NUP93: variants seen among roughly 807,000 people sequenced by gnomAD.
The protein encoded by NUP93 is nuclear pore complex protein Nup93.
NUP93 carries 55 observed loss-of-function variants against 107.8 expected under a neutral mutation model. The observed-to-expected ratio is 0.51, with a 90% CI of 0.41 to 0.64. The LOEUF (loss-of-function observed/expected upper bound fraction) is 0.64, where lower values mean the gene tolerates loss of function less well. Ranked by LOEUF, NUP93 falls within the 30% of genes least tolerant of loss-of-function variation. The probability of loss-of-function intolerance (pLI) is 0.00; values close to 1 mark genes in which losing one functional copy is unlikely to be tolerated. For synonymous variants in NUP93, 390 were observed against 397.5 expected, an observed-to-expected ratio of 0.98 and a Z score of 0.22; for missense variants, 937 against 1,044.7, an observed-to-expected ratio of 0.90 and a Z score of 1.42.
In NUP93 at chr16:56,844,802, T is replaced by C. The variant is rs34949349; in HGVS notation, c.*193T>C. 6.0e-3 allele frequency: 2,063 copies of C among 346,660 alleles called. 1 individual carries two copies. The highest frequency in any genetic ancestry group is 0.015 in the South Asian group (115 of 7,748). 21.5% of individuals were successfully genotyped at this position (346,660 alleles called of 1,614,324 possible). ...CATTCTTTTATTTTCTTTTTTTTTT[T>C]CTTTGAAATTTTGTTTACATTTTTA... On this transcript the variant is annotated 3_prime_UTR_variant, in exon 22 of 22. Transcript: ENST00000308159.
At chr16:56,778,950 A>G (rs1444601294) in intron 3 of NUP93, among the ~76,000 whole-genome samples, 4 of 152,102 alleles carry the variant, frequency 2.6e-5, no homozygotes, top group Non-Finnish European at 5.9e-5. Context: ...CAGTGAGGAG[A>G]AGAAGCCAGG....
chr16:56,833,071 CT>C (rs1256569426), intron 12 of NUP93, 143 bp from the exon 13 acceptor site: 4 of 663,334 alleles, frequency 6.0e-6, no homozygotes, highest in African/African-American at 1.9e-5. Flanking sequence ...TCAGGGCCCC[CT>C]TGATCAATTC....
intron 5 of NUP93, among the ~76,000 whole-genome samples, chr16:56,817,593 T>A (rs1238196838): frequency 2.6e-5 from 4 of 152,250 alleles, no homozygotes; most frequent in Non-Finnish European, 4.4e-5. Context: ...CTAATTTTGA[T>A]CTGTATTTCT....
At chr16:56,752,381 A>C (rs1017443443) in intron 2 of NUP93, among the ~76,000 whole-genome samples, 1 of 152,214 alleles carries the variant, frequency 6.6e-6, no homozygotes, top group Non-Finnish European at 1.5e-5. Context: ...TAGTATGTCT[A>C]TGTAGTAGAG....
In NUP93 at chr16:56,841,735, G is replaced by C. The variant is rs1303296233; in HGVS notation, c.2251G>C (p.Ala751Pro). The C allele has an allele frequency of 6.2e-7, 1 of 1,614,128 alleles. No homozygotes were observed. The highest frequency in any genetic ancestry group is 2.2e-5 in the East Asian group (1 of 44,888). ...GCACAACCTCTCAGAAGTGCTTCTT[G>C]CCACCATGAACATCTTGTTCACACA... Reference protein sequence around the residue: ...IRHNLSEVLLATMNILFTQFK... With the variant: ...IRHNLSEVLLPTMNILFTQFK... Residue 751 changes from alanine to proline, a missense_variant, in exon 21 of 22, where the codon GCC becomes CCC. By Grantham distance (27) the Ala-to-Pro change is conservative (BLOSUM62 -1). Coordinates refer to ENST00000308159, the MANE Select transcript of NUP93 (RefSeq NM_014669.5).
Position 56,756,200 on chromosome 16 carries a change from A to T in NUP93, c.180-2338A>T, listed in dbSNP as rs111947508. On this transcript the variant is annotated intron_variant, in intron 2 of 21. Transcript: ENST00000308159. ...GTCCGGGTTTGTTACATAGATATAC[A>T]TGTGCCATGGTGGTTTGCCACACTT... Among the ~76,000 whole-genome samples the T allele has an allele frequency of 6.0e-3, 902 of 150,798 alleles. 7 individuals carry two copies. The highest frequency in any genetic ancestry group is 0.021 in the African/African-American group (840 of 40,956).
chr16:56,822,187 A>G (rs1473160214), intron 7 of NUP93, among the ~76,000 whole-genome samples: 6 of 151,560 alleles, frequency 4.0e-5, no homozygotes. Context: ...TATGGAAGCA[A>G]GCACCCATAC....
chr16:56,730,401 T>A (rs1173866335), intron 1 of NUP93, among the ~76,000 whole-genome samples, 190 bp downstream of exon 1: 1 of 151,656 alleles, frequency 6.6e-6, no homozygotes, highest in Non-Finnish European at 1.5e-5. Context: ...AGGCTTGGAG[T>A]CGGGCTGCAT....
At chr16:56,808,120 ATAAC>A (rs1567398123) in intron 5 of NUP93, among the ~76,000 whole-genome samples, 1 of 124,060 alleles carries the variant, frequency 8.1e-6, no homozygotes, top group Non-Finnish European at 1.7e-5. Flanking sequence ...TATATATTAT[ATAAC>A]TATATAAATA....
intron 2 of NUP93, among the ~76,000 whole-genome samples, chr16:56,757,442 G>A (rs1962045054): frequency 6.6e-6 from 1 of 152,098 alleles, no homozygotes; most frequent in Non-Finnish European, 1.5e-5. Flanking sequence ...GCAAGACCCT[G>A]TCTGAAAATA....
At chr16:56,746,778 T>G (rs1250208144) in intron 1 of NUP93, among the ~76,000 whole-genome samples, 2 of 152,140 alleles carry the variant, frequency 1.3e-5, no homozygotes, top group Admixed American at 6.5e-5. Flanking sequence ...GGTGTGGTGG[T>G]GCATGCCTGT....
At chr16:56,731,395 T>C (rs1201913704) in intron 1 of NUP93, among the ~76,000 whole-genome samples, 1 of 151,850 alleles carries the variant, frequency 6.6e-6, no homozygotes, top group Non-Finnish European at 1.5e-5. Flanking sequence ...CTTTTTCTTT[T>C]CTTTCCTTTT....
intron 5 of NUP93, among the ~76,000 whole-genome samples, chr16:56,815,899 G>GTGCTGCTGCTGCTGCTGGTGC (rs1555495758): frequency 3.5e-4 from 34 of 95,986 alleles, no homozygotes; most frequent in African/African-American, 5.7e-4. Flanking sequence ...GCTGCTGCTG[G>GTGCTGCTGCTGCTGCTGGTGC]TGCTGCTGCT....
In NUP93 at chr16:56,823,655, A is replaced by G. The variant is rs1963595187; in HGVS notation, c.655-52A>G. On this transcript the variant is annotated intron_variant, in intron 7 of 21. Coordinates refer to ENST00000308159, the MANE Select transcript of NUP93 (RefSeq NM_014669.5). ...AGGTCAGAGTGCCACAAAGAACTAGATAATTTCTCTGGCCCTGCAGCATTG... is the reference window on the plus strand; with the variant it reads ...AGGTCAGAGTGCCACAAAGAACTAGGTAATTTCTCTGGCCCTGCAGCATTG... 1.2e-5 allele frequency: 20 copies of G among 1,601,352 alleles called. No homozygotes were observed. The South Asian group carries it at 2.0e-4, about 16-fold the overall frequency.
chr16:56,731,072 G>C (rs1961526973), intron 1 of NUP93, among the ~76,000 whole-genome samples: 1 of 151,636 alleles, frequency 6.6e-6, no homozygotes, highest in South Asian at 2.1e-4. Context: ...TCTCCTTTGT[G>C]CATTTGTGTT....
chr16:56,740,114 A>C (rs371767141), intron 1 of NUP93, among the ~76,000 whole-genome samples: 3 of 70,936 alleles, frequency 4.2e-5, no homozygotes, highest in Admixed American at 1.4e-4. Flanking sequence ...GCGGCTGGCC[A>C]GGCGGGGGGC....
At chr16:56,833,820 G>T (rs1431558788) in intron 13 of NUP93, among the ~76,000 whole-genome samples, 2 of 152,172 alleles carry the variant, frequency 1.3e-5, no homozygotes, top group Non-Finnish European at 2.9e-5. Context: ...ATGAATGGCT[G>T]CAGGTTCCTT....
rs1213898397 is a variant in NUP93 at position 56,847,659 on chromosome 16, CTT to C, written c.*3052_*3053del. On this transcript the variant is annotated 3_prime_UTR_variant, in exon 22 of 22. Coordinates refer to ENST00000308159, the MANE Select transcript of NUP93 (RefSeq NM_014669.5). ...TCAACAACAACAGCAACAAAAAACT[CTT>C]TGACTCCCCAACTTCAGAGGGAAAA... 6.6e-5 allele frequency: 10 copies of C among 152,190 alleles called. No individual in the cohort carries two copies. The highest frequency in any genetic ancestry group is 6.5e-4 in the Admixed American group (10 of 15,274). 9.4% of individuals were successfully genotyped at this position (152,190 alleles called of 1,614,324 possible).
intron 7 of NUP93, among the ~76,000 whole-genome samples, chr16:56,822,001 A>C (rs1963553455): frequency 6.8e-6 from 1 of 147,142 alleles, no homozygotes; most frequent in Non-Finnish European, 1.5e-5. Flanking sequence ...CATTCTTTAT[A>C]TACCACTGGT....
Sources: gnomAD v4.1 joint callset for allele counts (sites outside exome capture counted in the v4.1 genomes callset) on GRCh38, gnomAD v4.1.1 for gene constraint, MANE v1.5 for transcripts, NCBI Gene and HGNC (gene_info 2026-07-23, HGNC 2026-07-21) for gene names.